Variants in NRG1 observed in about 807,000 individuals in gnomAD.
The protein encoded by NRG1 is pro-neuregulin-1, membrane-bound isoform.
NRG1 carries 18 observed loss-of-function variants against 63.8 expected under a neutral mutation model. The observed-to-expected ratio is 0.28, with a 90% CI of 0.19 to 0.42. NRG1 has a LOEUF of 0.42. Ranked by LOEUF, NRG1 falls within the 10% of genes least tolerant of loss-of-function variation. NRG1 has a pLI of 1.00. For missense variants in NRG1, 762 were observed against 814.7 expected (o/e 0.94, Z 0.79); for synonymous variants, 302 against 301.3 (o/e 1.00, Z -0.02).
rs1816767979 is a variant in NRG1 at position 32,023,485 on chromosome 8, C to G, written c.37+384054C>G. ...TTGGGCTAGCAGTTCATCTGTTCCA[C>G]TTGCAGCTGCAGGCCAAAGCGTCAC... is the stretch of plus-strand genomic sequence containing the variant. On this transcript the variant is annotated intron_variant, in intron 1 of 10. Transcript: ENST00000519301. 2.0e-5 allele frequency among the ~76,000 whole-genome samples: 3 copies of G among 152,344 alleles called. No homozygotes were observed. In the South Asian group the frequency reaches 6.2e-4, roughly 32 times the overall value.
At chr8:31,990,140 C>A (rs1402609825) in intron 1 of NRG1, among the ~76,000 whole-genome samples, 3 of 152,036 alleles carry the variant, frequency 2.0e-5, no homozygotes, top group African/African-American at 7.2e-5. Flanking sequence ...TGAAGTCACA[C>A]TTTGTGTTGT....
intron 1 of NRG1, among the ~76,000 whole-genome samples, chr8:32,031,520 T>A (rs1364492935): frequency 6.6e-6 from 1 of 152,098 alleles, no homozygotes; most frequent in Non-Finnish European, 1.5e-5. Context: ...TGTCTAAAGA[T>A]GGCAGGCCAG....
At chr8:32,429,622 T>C (rs935382807) in intron 1 of NRG1, among the ~76,000 whole-genome samples, 5 of 152,204 alleles carry the variant, frequency 3.3e-5, no homozygotes, top group African/African-American at 9.6e-5. Context: ...AAAGCTTCAT[T>C]TGAATAATTT....
At chr8:31,736,431 T>C (rs1332835321) in intron 1 of NRG1, among the ~76,000 whole-genome samples, 1 of 152,138 alleles carries the variant, frequency 6.6e-6, no homozygotes, top group Non-Finnish European at 1.5e-5. Context: ...GAGATGTCTG[T>C]CTTCATCCCC....
chr8:32,039,795 GATCGCT>G (rs1819645003), intron 1 of NRG1, among the ~76,000 whole-genome samples: 1 of 151,878 alleles, frequency 6.6e-6, no homozygotes, highest in African/African-American at 2.4e-5. Context: ...AAGGCAGGAC[GATCGCT>G]TGAGACCAGG....
At chr8:31,983,089 A>G (rs1809438667) in intron 1 of NRG1, among the ~76,000 whole-genome samples, 1 of 152,108 alleles carries the variant, frequency 6.6e-6, no homozygotes, top group South Asian at 2.1e-4. Context: ...TAAAATGGAT[A>G]TTAGAGGCTA....
At chr8:31,856,082 T>C (rs1480773142) in intron 1 of NRG1, among the ~76,000 whole-genome samples, 4 of 151,592 alleles carry the variant, frequency 2.6e-5, no homozygotes, top group Non-Finnish European at 5.9e-5. Context: ...AATCTGACAA[T>C]TATGTGTCTT....
At chr8:31,746,412 C>T (rs1441816760) in intron 1 of NRG1, among the ~76,000 whole-genome samples, 2 of 152,010 alleles carry the variant, frequency 1.3e-5, no homozygotes, top group African/African-American at 4.8e-5. Flanking sequence ...CGTTTTTCAT[C>T]ACTTCACACT....
At chr8:31,760,529 A>C (rs1817428309) in intron 1 of NRG1, among the ~76,000 whole-genome samples, 1 of 152,192 alleles carries the variant, frequency 6.6e-6, no homozygotes, top group Non-Finnish European at 1.5e-5. Flanking sequence ...ACAAAATGGG[A>C]GAAAATTTTC....
intron 5 of NRG1, among the ~76,000 whole-genome samples, chr8:32,706,617 G>T (rs1370350795): frequency 1.3e-5 from 2 of 151,920 alleles, no homozygotes; most frequent in African/African-American, 4.8e-5. Context: ...AATGACATTT[G>T]TTTTAAGGAA....
At chr8:32,754,946 A>G (rs1455837402) in intron 8 of NRG1, among the ~76,000 whole-genome samples, 1 of 152,220 alleles carries the variant, frequency 6.6e-6, no homozygotes, top group Non-Finnish European at 1.5e-5. Flanking sequence ...TACTGAGAAC[A>G]AATCCAATTT....
rs1051988534 is a variant in NRG1, at chr8:32,382,460, A to T, written c.38-213368A>T. Among the ~76,000 whole-genome samples the T allele has an allele frequency of 2.1e-4, 32 of 152,140 alleles. 1 individual carries two copies. The highest frequency in any genetic ancestry group is 6.8e-4 in the African/African-American group (28 of 41,428). On this transcript the variant is annotated intron_variant, in intron 1 of 10. Transcript: ENST00000519301. ...TATGTGTTTGACTGAGGGAAGTGGA[A>T]ATTCTCTAACTGGGATATCATACCA...
chr8:32,466,744 G>A (rs548888463), intron 1 of NRG1, among the ~76,000 whole-genome samples: 83 of 152,094 alleles, frequency 5.5e-4, no homozygotes, highest in African/African-American at 1.9e-3. Flanking sequence ...TGTGTTTCAC[G>A]GCCTTGCTAC....
At chr8:31,667,038 GGC>G (rs1439981558) in intron 1 of NRG1, among the ~76,000 whole-genome samples, 1 of 152,190 alleles carries the variant, frequency 6.6e-6, no homozygotes, top group African/African-American at 2.4e-5. Flanking sequence ...GTGGAGAGCA[GGC>G]TGTCCGGCTC....
chr8:32,669,237 A>T (rs1161480450), intron 5 of NRG1, among the ~76,000 whole-genome samples: 1 of 152,206 alleles, frequency 6.6e-6, no homozygotes, highest in Non-Finnish European at 1.5e-5. Flanking sequence ...ATAGCAAAAG[A>T]TAGAATAAAG....
At chr8:32,147,751 A>T (rs754410679) in intron 1 of NRG1, among the ~76,000 whole-genome samples, 1 of 152,208 alleles carries the variant, frequency 6.6e-6, no homozygotes, top group Non-Finnish European at 1.5e-5. Flanking sequence ...GATTCCATTC[A>T]TAACAGCACA....
At chr8:32,296,801 T>A (rs1256029520) in intron 1 of NRG1, among the ~76,000 whole-genome samples, 1 of 151,950 alleles carries the variant, frequency 6.6e-6, no homozygotes, top group Non-Finnish European at 1.5e-5. Context: ...GCTTCTAGAG[T>A]TACTTTTATT....
chr8:32,476,604 G>A lies in NRG1; in HGVS notation c.38-119224G>A, dbSNP rs78840598. Among the ~76,000 whole-genome samples, 1,033 of 152,194 alleles carry A rather than the reference G, an allele frequency of 6.8e-3. 17 individuals are homozygous for A. Among genetic ancestry groups the A allele is most frequent in the African/African-American group, 0.023 (975 of 41,502 alleles). Reference sequence around the variant, plus strand: ...ACATTTCCATGTTCAATTTGATTCCGGAAATTATATGTTGGGTAGAACAGA... The same window carrying A: ...ACATTTCCATGTTCAATTTGATTCCAGAAATTATATGTTGGGTAGAACAGA... On this transcript the variant is annotated intron_variant, in intron 1 of 10. Coordinates refer to the NRG1 transcript ENST00000519301.
chr8:32,624,076 G>A (rs1475184918), intron 5 of NRG1, among the ~76,000 whole-genome samples: 1 of 152,158 alleles, frequency 6.6e-6, no homozygotes, highest in Non-Finnish European at 1.5e-5. Context: ...ATACAACTCA[G>A]TGGCTTAGAT....
Sources: allele counts gnomAD v4.1 joint callset (sites outside exome capture counted in the v4.1 genomes callset), GRCh38; gene constraint gnomAD v4.1.1; transcripts MANE v1.5; gene names NCBI Gene and HGNC (gene_info 2026-07-23, HGNC 2026-07-21).